The following FHIT variants were observed in gnomAD, a reference collection of about 807,000 sequenced individuals.
FHIT encodes bis(5'-adenosyl)-triphosphatase.
In FHIT, 19 loss-of-function variants were observed where a neutral mutation model predicts 17.9. The observed-to-expected ratio is 1.06, with a 90% CI of 0.74 to 1.56. The LOEUF (loss-of-function observed/expected upper bound fraction) is 1.56. FHIT is among the 40% of genes most tolerant of loss of function. The pLI is 0.00. For synonymous variants in FHIT, 81 were observed against 69.7 expected, an observed-to-expected ratio of 1.16 and a Z score of -0.81; for missense variants, 248 against 189.2, an observed-to-expected ratio of 1.31 and a Z score of -1.82.
chr3:60,046,793 A>G (rs145738067), intron 5 of FHIT, among the ~76,000 whole-genome samples: 1,734 of 152,302 alleles, frequency 0.011, 32 homozygotes, highest in African/African-American at 0.039. Flanking sequence ...ATATGTAAAG[A>G]ACTCAGCCCA....
chr3:59,882,435 A>G (rs1256756656), intron 8 of FHIT, among the ~76,000 whole-genome samples: 1 of 152,158 alleles, frequency 6.6e-6, no homozygotes. Context: ...CCTTGTTTTC[A>G]CTAACAAGCA....
chr3:61,055,266 C>G (rs1478676706), intron 2 of FHIT, among the ~76,000 whole-genome samples: 1 of 152,138 alleles, frequency 6.6e-6, no homozygotes, highest in African/African-American at 2.4e-5. Context: ...CAAACACTAT[C>G]TCTGTCTGTC....
rs139773104 is a variant in FHIT, at chr3:61,121,546, G to A, written c.-164+79071C>T. Among the ~76,000 whole-genome samples, 74 of 152,268 alleles carry A rather than the reference G, an allele frequency of 4.9e-4. No individual in the cohort carries two copies. The East Asian group carries it at 6.4e-3, about 13-fold the overall frequency. On this transcript the variant is annotated intron_variant, in intron 2 of 9. Transcript: ENST00000492590. ...TATGGACAAGCAAATGCTGAGAAAT[G>A]TTGTCACCACCAGGCCTACCTTACA... is the stretch of plus-strand genomic sequence containing the variant.
At chr3:60,481,425 G>A (rs1207469102) in intron 5 of FHIT, among the ~76,000 whole-genome samples, 1 of 152,128 alleles carries the variant, frequency 6.6e-6, no homozygotes, top group Non-Finnish European at 1.5e-5. Flanking sequence ...CAGCCAGAGA[G>A]AAAGGCCAGG....
intron 8 of FHIT, among the ~76,000 whole-genome samples, chr3:59,775,288 G>T (rs1702254576): frequency 6.6e-6 from 1 of 152,130 alleles, no homozygotes; most frequent in South Asian, 2.1e-4. Flanking sequence ...CAATGCTGGA[G>T]TGACCTCTCT....
chr3:61,032,760 G>T (rs575615032), intron 3 of FHIT, among the ~76,000 whole-genome samples: 2 of 152,162 alleles, frequency 1.3e-5, no homozygotes, highest in African/African-American at 4.8e-5. Flanking sequence ...AGAACCAATG[G>T]GATAAATGTA....
At chr3:60,528,693 C>A (rs1208381445) in intron 5 of FHIT, among the ~76,000 whole-genome samples, 4 of 152,270 alleles carry the variant, frequency 2.6e-5, no homozygotes, top group South Asian at 4.1e-4. Flanking sequence ...CCTCTAAAAT[C>A]TCCCTCTAAA....
chr3:60,276,415 G>A (rs1303760273), intron 5 of FHIT, among the ~76,000 whole-genome samples: 1 of 152,150 alleles, frequency 6.6e-6, no homozygotes, highest in Non-Finnish European at 1.5e-5. Flanking sequence ...TCTCAAAGCT[G>A]AGAAAAAGGA....
At chr3:59,825,049 T>G (rs1700927758) in intron 8 of FHIT, among the ~76,000 whole-genome samples, 1 of 152,148 alleles carries the variant, frequency 6.6e-6, no homozygotes, top group African/African-American at 2.4e-5. Flanking sequence ...AAAGCAAACA[T>G]TTTGTGTGGT....
chr3:60,372,595 T>C (rs902508525), intron 5 of FHIT, among the ~76,000 whole-genome samples: 2 of 152,222 alleles, frequency 1.3e-5, no homozygotes, highest in Admixed American at 6.5e-5. Context: ...CGGGCCGATC[T>C]ACTTCAATGA....
chr3:60,704,012 G>A (rs79428005), intron 4 of FHIT, among the ~76,000 whole-genome samples: 5,982 of 151,876 alleles, frequency 0.039, 160 homozygotes, highest in East Asian at 0.11. Context: ...AAATCTAGCC[G>A]TACCAGTATT....
intron 4 of FHIT, among the ~76,000 whole-genome samples, chr3:60,809,453 G>A (rs1023257533): frequency 6.6e-6 from 1 of 152,134 alleles, no homozygotes; most frequent in Non-Finnish European, 1.5e-5. Context: ...CATGACTCCA[G>A]TTAGACCCAG....
chr3:59,975,047 G>T (rs529029658), intron 7 of FHIT, among the ~76,000 whole-genome samples: 2 of 151,658 alleles, frequency 1.3e-5, no homozygotes, highest in South Asian at 4.2e-4. Flanking sequence ...ATTTTTTTGT[G>T]GGCCCTCATT....
At chr3:61,189,321 C>G (rs1315708563) in intron 2 of FHIT, among the ~76,000 whole-genome samples, 2 of 152,138 alleles carry the variant, frequency 1.3e-5, no homozygotes, top group Non-Finnish European at 2.9e-5. Flanking sequence ...CATGAGTGAA[C>G]TCCCATTCAC....
At chr3:59,863,914 G>C (rs1385910162) in intron 8 of FHIT, among the ~76,000 whole-genome samples, 2 of 152,138 alleles carry the variant, frequency 1.3e-5, no homozygotes, top group Non-Finnish European at 2.9e-5. Context: ...CCTGCTGAAT[G>C]AAAAGTTTGC....
At chr3:60,088,872 A>G (rs576804300) in intron 5 of FHIT, among the ~76,000 whole-genome samples, 1 of 152,338 alleles carries the variant, frequency 6.6e-6, no homozygotes, top group East Asian at 1.9e-4. Context: ...TGCCTGACAC[A>G]TGGTAGGTAC....
intron 7 of FHIT, among the ~76,000 whole-genome samples, chr3:59,937,758 T>C (rs1321653064): frequency 6.6e-6 from 1 of 152,222 alleles, no homozygotes; most frequent in East Asian, 1.9e-4. Context: ...TATTTTCACA[T>C]GTGACTTCAA....
chr3:60,317,011 T>C (rs1165985292), intron 5 of FHIT, among the ~76,000 whole-genome samples: 1 of 152,148 alleles, frequency 6.6e-6, no homozygotes, highest in African/African-American at 2.4e-5. Context: ...ATGATCCTTA[T>C]TCACAATAAA....
chr3:60,014,333 A>C (rs1250596317), intron 5 of FHIT, among the ~76,000 whole-genome samples, 181 bp from the exon 6 acceptor site: 3 of 152,214 alleles, frequency 2.0e-5, no homozygotes, highest in Non-Finnish European at 4.4e-5. Flanking sequence ...GCTCCCATAC[A>C]TGGATAATTA....
Sources: gnomAD v4.1 joint callset for allele counts (sites outside exome capture counted in the v4.1 genomes callset) on GRCh38, gnomAD v4.1.1 for gene constraint, MANE v1.5 for transcripts, NCBI Gene and HGNC (gene_info 2026-07-23, HGNC 2026-07-21) for gene names.